The following IPP variants were observed in gnomAD, a reference collection of about 807,000 sequenced individuals.
The protein encoded by IPP is intracisternal A particle-promoted polypeptide, also known as actin-binding protein IPP.
IPP carries 41 observed loss-of-function variants against 64.1 expected under a neutral mutation model. The observed-to-expected ratio is 0.64, with a 90% CI of 0.50 to 0.83. IPP has a LOEUF of 0.83. Among genes scored for constraint, IPP ranks in the 40% least tolerant of loss-of-function variants. The pLI is 0.00. For synonymous variants in IPP, 214 were observed against 235.2 expected (o/e 0.91, Z 0.83); for missense variants, 649 against 703.0 (o/e 0.92, Z 0.87).
At chr1:45,724,742 G>C (rs1645786993) in intron 5 of IPP, among the ~76,000 whole-genome samples, 1 of 150,956 alleles carries the variant, frequency 6.6e-6, no homozygotes, top group Non-Finnish European at 1.5e-5. Flanking sequence ...CCTCTGCCTG[G>C]CAACCGCCCC....
At chr1:45,703,071 A>G (rs1293199803) in intron 8 of IPP, among the ~76,000 whole-genome samples, 1 of 151,902 alleles carries the variant, frequency 6.6e-6, no homozygotes, top group Admixed American at 6.6e-5. Flanking sequence ...TCCAGATTTA[A>G]GAAGTAAAAC....
Position 45,719,538 on chromosome 1 carries a change from T to C in IPP, c.1049-198A>G, listed in dbSNP as rs1032688235. Among the ~76,000 whole-genome samples, 6 of 152,204 alleles carry C rather than the reference T, an allele frequency of 3.9e-5. No homozygotes were observed. The East Asian group carries it at 5.8e-4, about 15-fold the overall frequency. Reference sequence around the variant, plus strand: ...ACTGTCATTTATTAAAGCCCACTTATGAAACAGAGGCACAATTTTCCTATT... The same window carrying C: ...ACTGTCATTTATTAAAGCCCACTTACGAAACAGAGGCACAATTTTCCTATT... On this transcript the variant is annotated intron_variant, in intron 5 of 8. Coordinates refer to ENST00000396478, the MANE Select transcript of IPP (RefSeq NM_005897.3).
intron 5 of IPP, among the ~76,000 whole-genome samples, chr1:45,723,195 A>G (rs1047578529): frequency 6.6e-6 from 1 of 152,248 alleles, no homozygotes; most frequent in Non-Finnish European, 1.5e-5. Flanking sequence ...AAACTAAACC[A>G]AAATGTTAAC....
At position 45,738,848 on chromosome 1, in the gene IPP, A is replaced by C. The variant is rs1370134394; in HGVS notation, c.724+2053T>G. On this transcript the variant is annotated intron_variant, in intron 3 of 8. Coordinates refer to ENST00000396478, the MANE Select transcript of IPP (RefSeq NM_005897.3). Reference sequence around the variant, plus strand: ...GAGCAAGACTCCATCTCAAAAAAAAAAAAAAAAAAAAAAAAAACAAGAAAA... The same window carrying C: ...GAGCAAGACTCCATCTCAAAAAAAACAAAAAAAAAAAAAAAAACAAGAAAA... Among the ~76,000 whole-genome samples the C allele has an allele frequency of 3.9e-4, 58 of 149,704 alleles. 1 individual carries two copies. Among genetic ancestry groups the C allele is most frequent in the East Asian group, 7.8e-4 (4 of 5,146 alleles).
At chr1:45,706,123 G>A (rs1181001425) in intron 8 of IPP, among the ~76,000 whole-genome samples, 2 of 152,166 alleles carry the variant, frequency 1.3e-5, no homozygotes, top group African/African-American at 4.8e-5. Flanking sequence ...GGAGTTGTAA[G>A]CTGAGTAATT....
At chr1:45,721,748 T>C (rs1193326147) in intron 5 of IPP, among the ~76,000 whole-genome samples, 2 of 152,204 alleles carry the variant, frequency 1.3e-5, no homozygotes, top group African/African-American at 2.4e-5. Flanking sequence ...GCACTAAGTA[T>C]CTAAAAAGTT....
chr1:45,738,971 G>A (rs1351815799), intron 3 of IPP, among the ~76,000 whole-genome samples: 1 of 151,354 alleles, frequency 6.6e-6, no homozygotes, highest in Non-Finnish European at 1.5e-5. Flanking sequence ...AGGAGCAATT[G>A]TTCAGTATTT....
At position 45,729,726 on chromosome 1, in the gene IPP, C is replaced by A. The variant is rs780327551; in HGVS notation, c.768G>T (p.Leu256=). Residue 256 remains leucine (L), a synonymous_variant, in exon 4 of 9, where the codon CTG becomes CTT. Coordinates refer to ENST00000396478, the MANE Select transcript of IPP (RefSeq NM_005897.3). ...FNLRVALQTL[L]KEYCEVCKSP... is the part of the protein sequence containing the mutation. ...ATTTGCATACTTCACAGTACTCTTT[C>A]AGAAGTGTTTGCAATGCAACACGAA... The A allele has an allele frequency of 6.2e-7, 1 of 1,603,798 alleles. No homozygotes were observed. Among genetic ancestry groups the A allele is most frequent in the South Asian group, 1.1e-5 (1 of 89,416 alleles).
chr1:45,745,988 A>G (rs1646128091), intron 2 of IPP, 132 bp downstream of exon 2: 1 of 707,840 alleles, frequency 1.4e-6, no homozygotes, highest in African/African-American at 1.8e-5. Flanking sequence ...GTCATAAGAT[A>G]TGAATTTTCA....
Position 45,746,441 on chromosome 1 carries a change from T to A in IPP, c.-30A>T. On this transcript the variant is annotated 5_prime_UTR_variant, in exon 2 of 9. Coordinates refer to ENST00000396478, the MANE Select transcript of IPP (RefSeq NM_005897.3). ...ACGGTAGATTAATTAAAAGGACTGT[T>A]GCCCATAATCTGTTACTACCCTGAA... 1 of 1,569,592 alleles carries A rather than the reference T, an allele frequency of 6.4e-7. No individual in the cohort carries two copies.
intron 1 of IPP, 24 bp from the exon 2 acceptor site, chr1:45,746,485 T>C: frequency 7.4e-6 from 9 of 1,217,112 alleles, no homozygotes; most frequent in African/African-American, 1.5e-5. Flanking sequence ...TACAAAGAGA[T>C]CAAGCAACAA....
chr1:45,721,738 G>A (rs1645733823), intron 5 of IPP, among the ~76,000 whole-genome samples: 1 of 152,204 alleles, frequency 6.6e-6, no homozygotes, highest in Non-Finnish European at 1.5e-5. Context: ...TTTTTAAAAT[G>A]CACTAAGTAT....
At chr1:45,736,110 C>CA (rs766679158) in intron 3 of IPP, among the ~76,000 whole-genome samples, 253 of 111,082 alleles carry the variant, frequency 2.3e-3, no homozygotes, top group Middle Eastern at 6.0e-3. Flanking sequence ...GACTCCATCT[C>CA]AAAAAAAAAA....
chr1:45,723,961 T>C (rs1418723092), intron 5 of IPP, among the ~76,000 whole-genome samples: 1 of 142,228 alleles, frequency 7.0e-6, no homozygotes, highest in Non-Finnish European at 1.6e-5. Flanking sequence ...CAGGAGTTCC[T>C]CTCCCTCTCC....
intron 5 of IPP, 105 bp downstream of exon 5, chr1:45,727,526 G>A (rs1050439052): frequency 4.4e-6 from 1 of 226,106 alleles, no homozygotes; most frequent in Non-Finnish European, 8.2e-6. Flanking sequence ...TACTTATTGA[G>A]GACAATTAGA....
chr1:45,705,464 T>G (rs1335101356), intron 8 of IPP, among the ~76,000 whole-genome samples: 1 of 152,212 alleles, frequency 6.6e-6, no homozygotes, highest in African/African-American at 2.4e-5. Context: ...AAACTTGCCC[T>G]CTGACCCTAA....
chr1:45,741,504 G>C (rs905818791), intron 2 of IPP, among the ~76,000 whole-genome samples, 172 bp from the exon 3 acceptor site: 3 of 151,866 alleles, frequency 2.0e-5, no homozygotes, highest in Admixed American at 6.6e-5. Context: ...AAACGATAAC[G>C]ATACCTAACA....
intron 5 of IPP, among the ~76,000 whole-genome samples, chr1:45,726,531 T>C (rs1645830389): frequency 6.6e-6 from 1 of 152,076 alleles, no homozygotes; most frequent in African/African-American, 2.4e-5. Flanking sequence ...CCAGTTACTT[T>C]ATTATTTAAT....
rs79983587 is a variant in IPP at position 45,714,202 on chromosome 1, A to G, written c.1530+44T>C. 638 of 1,338,766 alleles carry G rather than the reference A, an allele frequency of 4.8e-4. 7 individuals carry two copies. The East Asian group carries it at 0.011, about 23-fold the overall frequency. 82.9% of individuals were successfully genotyped at this position (1,338,766 alleles called of 1,614,324 possible). A position where few individuals can be genotyped will look rare whatever the true frequency, so the allele number is the denominator to read the frequency against. ...CATCACCACAGATCTTACAGACATT[A>G]AAAGAATATCAGGATACTAAATATC... is the stretch of plus-strand genomic sequence containing the variant. On this transcript the variant is annotated intron_variant, in intron 8 of 8. Coordinates refer to ENST00000396478, the MANE Select transcript of IPP (RefSeq NM_005897.3).
Sources: gnomAD v4.1 joint callset for allele counts (sites outside exome capture counted in the v4.1 genomes callset) on GRCh38, gnomAD v4.1.1 for gene constraint, MANE v1.5 for transcripts, NCBI Gene and HGNC (gene_info 2026-07-23, HGNC 2026-07-21) for gene names.